Variants in TRAPPC9 observed in about 807,000 individuals in gnomAD.
TRAPPC9 encodes IKK2 binding protein.
A neutral mutation model predicts 124.0 loss-of-function variants in TRAPPC9; 83 were observed. The observed-to-expected ratio is 0.67, with a 90% confidence interval of 0.56 to 0.80. The LOEUF (loss-of-function observed/expected upper bound fraction) is 0.80, where lower values mean the gene tolerates loss of function less well. Among genes scored for constraint, TRAPPC9 ranks in the 30% least tolerant of loss-of-function variants. The pLI, the probability that TRAPPC9 is intolerant of heterozygous loss-of-function variation, is 0.00. For missense variants in TRAPPC9, 1,302 were observed against 1,508.3 expected (o/e 0.86, Z 2.27); for synonymous variants, 638 against 617.5 (o/e 1.03, Z -0.49).
intron 21 of TRAPPC9, among the ~76,000 whole-genome samples, chr8:139,764,618 C>G (rs1383115127): frequency 1.3e-5 from 2 of 152,182 alleles, no homozygotes; most frequent in Non-Finnish European, 2.9e-5. Flanking sequence ...CCTCAGTTCA[C>G]TTTTCAGAGC....
chr8:139,961,393 G>A lies in TRAPPC9; in HGVS notation c.2810+27333C>T, dbSNP rs1835364283. Among the ~76,000 whole-genome samples, 2 of 123,920 alleles carry A rather than the reference G, an allele frequency of 1.6e-5. 1 individual carries two copies. The allele number at this position is 123,920 out of a possible 152,430, so 81.3% of individuals were successfully genotyped here. On this transcript the variant is annotated intron_variant, in intron 19 of 22. Coordinates refer to ENST00000438773, the MANE Select transcript of TRAPPC9 (RefSeq NM_001160372.4). ...TTCTGAATTGGAGTGGGAGCACCTG[G>A]GGTGCCACAGCTGCCCAAACCACCA...
chr8:139,829,409 T>C (rs1426142292), intron 21 of TRAPPC9, among the ~76,000 whole-genome samples: 1 of 152,246 alleles, frequency 6.6e-6, no homozygotes, highest in Non-Finnish European at 1.5e-5. Context: ...AGCTGCAGCC[T>C]TGTGACCCGT....
At chr8:139,824,975 T>C (rs1825522205) in intron 21 of TRAPPC9, among the ~76,000 whole-genome samples, 1 of 152,122 alleles carries the variant, frequency 6.6e-6, no homozygotes. Flanking sequence ...TGTGCTCTCG[T>C]GAGTCCCCTG....
intron 19 of TRAPPC9, among the ~76,000 whole-genome samples, chr8:139,915,336 TC>T (rs1832054664): frequency 6.6e-6 from 1 of 152,170 alleles, no homozygotes; most frequent in African/African-American, 2.4e-5. Context: ...AACCTCCGCT[TC>T]CTGGGTTCAA....
intron 21 of TRAPPC9, among the ~76,000 whole-genome samples, chr8:139,800,053 A>G (rs1194727860): frequency 6.6e-6 from 1 of 152,230 alleles, no homozygotes; most frequent in Non-Finnish European, 1.5e-5. Flanking sequence ...CACAGCAAAC[A>G]GATGCCACAA....
intron 16 of TRAPPC9, among the ~76,000 whole-genome samples, chr8:140,231,481 C>CTTTTTTTTTTTTTTTTTTT (rs71320347): frequency 1.8e-5 from 1 of 56,954 alleles, no homozygotes. Flanking sequence ...ACTGCCTTTT[C>CTTTTTTTTTTTTTTTTTTT]TTTTTTTTTT....
At position 140,212,519 on chromosome 8, in the gene TRAPPC9, G is replaced by A. The variant is rs1248409069; in HGVS notation, c.2556+8940C>T. On this transcript the variant is annotated intron_variant, in intron 17 of 22. Coordinates refer to ENST00000438773, the MANE Select transcript of TRAPPC9 (RefSeq NM_001160372.4). The stretch of plus-strand genomic sequence containing the variant: ...TTAAAATTTTTGCATCTGTGTTCAG[G>A]AGGGATATTGGTCTGTAGTGCTTTG... 1.4e-4 allele frequency among the ~76,000 whole-genome samples: 21 copies of A among 152,178 alleles called. 1 individual carries two copies. Among genetic ancestry groups the A allele is most frequent in the Admixed American group, 1.4e-3 (21 of 15,280 alleles).
At chr8:139,996,188 G>GAAAAAAATAAAAAAAAAAAAAAA (rs1837980403) in intron 18 of TRAPPC9, among the ~76,000 whole-genome samples, 1 of 68,886 alleles carries the variant, frequency 1.5e-5, no homozygotes, top group African/African-American at 4.9e-5. Context: ...AAAAAGAAAG[G>GAAAAAAATAAAAAAAAAAAAAAA]AAAGAAAAAA....
At chr8:140,103,550 T>C (rs2060615787) in intron 17 of TRAPPC9, among the ~76,000 whole-genome samples, 2 of 152,148 alleles carry the variant, frequency 1.3e-5, no homozygotes, top group Admixed American at 6.5e-5. Flanking sequence ...TGTAGCCCCC[T>C]CCAACCGCAA....
chr8:140,321,894 C>G (rs532361526), intron 9 of TRAPPC9, among the ~76,000 whole-genome samples: 1 of 152,288 alleles, frequency 6.6e-6, no homozygotes, highest in Non-Finnish European at 1.5e-5. Context: ...GGCAGATGCC[C>G]TGAGGGGCAC....
chr8:140,329,645 C>G (rs1343792552), intron 9 of TRAPPC9, among the ~76,000 whole-genome samples: 3 of 152,108 alleles, frequency 2.0e-5, no homozygotes, highest in Non-Finnish European at 2.9e-5. Context: ...GATTTTAACC[C>G]CAGGCTTCTT....
intron 19 of TRAPPC9, among the ~76,000 whole-genome samples, chr8:139,948,835 T>G (rs769750880): frequency 1.3e-5 from 2 of 152,088 alleles, no homozygotes; most frequent in African/African-American, 2.4e-5. Flanking sequence ...CTCAGCACTT[T>G]GAGAGGATGA....
chr8:140,158,722 T>A (rs2061696143), intron 17 of TRAPPC9, among the ~76,000 whole-genome samples: 1 of 152,206 alleles, frequency 6.6e-6, no homozygotes, highest in African/African-American at 2.4e-5. Context: ...GCATCTGTGC[T>A]CCGGAGCCAC....
chr8:140,178,414 G>A (rs1158773203), intron 17 of TRAPPC9, among the ~76,000 whole-genome samples: 1 of 151,976 alleles, frequency 6.6e-6, no homozygotes, highest in African/African-American at 2.4e-5. Flanking sequence ...ATTGAAATTT[G>A]AATACTTAAC....
intron 21 of TRAPPC9, among the ~76,000 whole-genome samples, chr8:139,868,555 G>T (rs1193903282): frequency 6.6e-6 from 1 of 152,074 alleles, no homozygotes; most frequent in Non-Finnish European, 1.5e-5. Flanking sequence ...TTATGATTTT[G>T]GGAAATATAA....
chr8:139,903,537 A>G (rs1831151365), intron 20 of TRAPPC9, among the ~76,000 whole-genome samples: 1 of 152,154 alleles, frequency 6.6e-6, no homozygotes, highest in South Asian at 2.1e-4. Flanking sequence ...GGGTGAGTTG[A>G]CCCTAGGCTT....
At chr8:139,796,046 AAGGAGGAGGAAGAGGAAGAAG>A (rs1823046045) in intron 21 of TRAPPC9, among the ~76,000 whole-genome samples, 1 of 127,514 alleles carries the variant, frequency 7.8e-6, no homozygotes, top group Admixed American at 7.7e-5. Context: ...GGAAGAGGAG[AAGGAGGAGGAAGAGGAAGAAG>A]AGGAGGAGGA....
chr8:140,103,076 G>T (rs1384630047), intron 17 of TRAPPC9, among the ~76,000 whole-genome samples: 1 of 152,130 alleles, frequency 6.6e-6, no homozygotes, highest in Non-Finnish European at 1.5e-5. Context: ...AAGACCTGCC[G>T]CTCCCCACTC....
intron 19 of TRAPPC9, among the ~76,000 whole-genome samples, chr8:139,913,376 C>T (rs1434883997): frequency 6.6e-6 from 1 of 152,238 alleles, no homozygotes; most frequent in East Asian, 1.9e-4. Context: ...TGACAGGCTG[C>T]ACCTCTGGGT....
Sources: gnomAD v4.1 joint callset for allele counts (sites outside exome capture counted in the v4.1 genomes callset) on GRCh38, gnomAD v4.1.1 for gene constraint, MANE v1.5 for transcripts, NCBI Gene and HGNC (gene_info 2026-07-23, HGNC 2026-07-21) for gene names.